ARID1B: variants seen among roughly 807,000 people sequenced by gnomAD.
The protein encoded by ARID1B is AT-rich interaction domain 1B.
Under a neutral mutation model 212.3 loss-of-function variants are expected in ARID1B, and 30 were observed. That is an observed-to-expected ratio of 0.14 (90% CI 0.11 to 0.19). ARID1B has a LOEUF of 0.19. Ranked by LOEUF, ARID1B falls within the 10% of genes least tolerant of loss-of-function variation. The probability of loss-of-function intolerance (pLI) is 1.00; values close to 1 mark genes in which losing one functional copy is unlikely to be tolerated. For synonymous variants in ARID1B, 1,402 were observed against 1,301.7 expected (o/e 1.08, Z -1.66); for missense variants, 2,891 against 3,204.0 (o/e 0.90, Z 2.36).
At chr6:156,985,103 C>G (rs765291725) in intron 4 of ARID1B, 1 of 152,206 alleles carries the variant, frequency 6.6e-6, no homozygotes, top group Non-Finnish European at 1.5e-5. Flanking sequence ...AAGAAAGCTT[C>G]CATATACTCT....
rs1437733479 is a variant in ARID1B, at chr6:156,954,427, G to C, written c.2247+18851G>C. Among the ~76,000 whole-genome samples, 24 of 151,846 alleles carry C rather than the reference G, an allele frequency of 1.6e-4. 1 individual carries two copies. Among genetic ancestry groups the C allele is most frequent in the Admixed American group, 1.6e-3 (24 of 15,258 alleles). On this transcript the variant is annotated intron_variant, in intron 4 of 19. Transcript: ENST00000636930. The stretch of plus-strand genomic sequence containing the variant: ...CAGCCTGTGTGGAATGAGGCCGTTT[G>C]CACACACATACATATGATTTTTTTT...
chr6:156,901,118 C>T (rs887709227), intron 2 of ARID1B, among the ~76,000 whole-genome samples: 1 of 152,084 alleles, frequency 6.6e-6, no homozygotes, highest in Non-Finnish European at 1.5e-5. Flanking sequence ...CCCCTCTCCA[C>T]CTTTATGATA....
chr6:156,882,754 T>G (rs1452355820), intron 2 of ARID1B, among the ~76,000 whole-genome samples: 1 of 152,214 alleles, frequency 6.6e-6, no homozygotes, highest in Non-Finnish European at 1.5e-5. Flanking sequence ...TAAAAGTGCT[T>G]TGTATAACGT....
In ARID1B at chr6:157,184,108, G is replaced by A. The variant is rs527576463; in HGVS notation, c.3715-123G>A. The A allele has an allele frequency of 2.5e-4, 204 of 824,604 alleles. 2 individuals are homozygous for A. In the South Asian group the frequency reaches 3.5e-3, roughly 14 times the overall value. The allele number at this position is 824,604 out of a possible 1,614,324, so 51.1% of individuals were successfully genotyped here. A position where few individuals can be genotyped will look rare whatever the true frequency, so the allele number is the denominator to read the frequency against. On this transcript the variant is annotated intron_variant, in intron 12 of 19. Transcript: ENST00000636930. ...CTATGCACTGCTGAGTGGGAGTAAT[G>A]AGCATTAGTTAAAAGAGGCAAATGA...
chr6:157,042,132 C>A (rs1256198108), intron 4 of ARID1B, among the ~76,000 whole-genome samples: 1 of 152,168 alleles, frequency 6.6e-6, no homozygotes, highest in African/African-American at 2.4e-5. Context: ...TTACACCTTC[C>A]CCTCCTCCTC....
rs376139273 is a variant in ARID1B at position 157,141,528 on chromosome 6, A to G, written c.2762-7096A>G. On this transcript the variant is annotated intron_variant, in intron 7 of 19. Transcript: ENST00000636930. ...TCAGCTTTCATTTTGATGAACCTGT[A>G]TTTGTGATCATCTACTTGATGCATT... Among the ~76,000 whole-genome samples, 6 of 152,326 alleles carry G rather than the reference A, an allele frequency of 3.9e-5. No individual in the cohort carries two copies. In the East Asian group the frequency reaches 7.7e-4, roughly 20 times the overall value.
At position 156,901,453 on chromosome 6, in the gene ARID1B, G is replaced by T; in HGVS notation, c.2064G>T (p.Pro688=). 1 of 1,614,072 alleles carries T rather than the reference G, an allele frequency of 6.2e-7. No homozygotes were observed. The highest frequency in any genetic ancestry group is 8.5e-7 in the Non-Finnish European group (1 of 1,180,028). Residue 688 remains proline (P), a synonymous_variant, in exon 3 of 20, where the codon CCG becomes CCT. Coordinates refer to ENST00000636930, the MANE Select transcript of ARID1B (RefSeq NM_001374828.1). ...QGQQPYYSQQ[P]QPPHLPPQAQ... is the part of the protein sequence containing the mutation. Reference sequence around the variant, plus strand: ...AACAGCCATATTACAGCCAGCAGCCGCAGCCCCCGCACCTCCCACCCCAGG... The same window carrying T: ...AACAGCCATATTACAGCCAGCAGCCTCAGCCCCCGCACCTCCCACCCCAGG...
At chr6:156,804,331 G>A (rs1367088871) in intron 1 of ARID1B, among the ~76,000 whole-genome samples, 5 of 148,986 alleles carry the variant, frequency 3.4e-5, no homozygotes, top group Admixed American at 1.3e-4. Context: ...GCAAGACTCC[G>A]TCTCAAAAAA....
At chr6:156,839,902 A>G (rs1010685363) in intron 2 of ARID1B, among the ~76,000 whole-genome samples, 1 of 152,226 alleles carries the variant, frequency 6.6e-6, no homozygotes, top group African/African-American at 2.4e-5. Flanking sequence ...AAACTCTGCT[A>G]TGATCTAACA....
intron 1 of ARID1B, among the ~76,000 whole-genome samples, chr6:156,793,964 A>G (rs183220278): frequency 6.6e-6 from 1 of 152,364 alleles, no homozygotes; most frequent in East Asian, 1.9e-4. Context: ...TTTTATAGAC[A>G]AGGAAACTGG....
intron 2 of ARID1B, among the ~76,000 whole-genome samples, chr6:156,867,016 C>CCTGGCACAGTG (rs1173355367): frequency 6.6e-6 from 1 of 152,192 alleles, no homozygotes; most frequent in African/African-American, 2.4e-5. Flanking sequence ...TTTAACATGG[C>CCTGGCACAGTG]CTGGCACAGT....
chr6:157,106,869 T>G (rs1169445041), intron 5 of ARID1B, among the ~76,000 whole-genome samples: 1 of 152,102 alleles, frequency 6.6e-6, no homozygotes, highest in African/African-American at 2.4e-5. Context: ...TTCCAGTAAC[T>G]AAATGTGGAA....
chr6:157,032,250 CA>C (rs1212378096), intron 4 of ARID1B, among the ~76,000 whole-genome samples: 5 of 152,294 alleles, frequency 3.3e-5, no homozygotes, highest in African/African-American at 1.2e-4. Flanking sequence ...CAGTTATGAG[CA>C]TTTTCCCGTG....
chr6:156,785,082 T>C (rs1232038302), intron 1 of ARID1B, among the ~76,000 whole-genome samples: 1 of 152,150 alleles, frequency 6.6e-6, no homozygotes, highest in Non-Finnish European at 1.5e-5. Flanking sequence ...TTAAATAGGA[T>C]CCAGTAGGCA....
chr6:156,800,780 G>A (rs1780725535), intron 1 of ARID1B, among the ~76,000 whole-genome samples: 1 of 152,000 alleles, frequency 6.6e-6, no homozygotes, highest in African/African-American at 2.4e-5. Context: ...GGTGGTGTGT[G>A]CCTGTAGTCC....
At chr6:156,948,401 T>TG (rs1299663361) in intron 4 of ARID1B, among the ~76,000 whole-genome samples, 2 of 149,724 alleles carry the variant, frequency 1.3e-5, no homozygotes, top group South Asian at 2.2e-4. Flanking sequence ...CTTATAGAGA[T>TG]GGGGGGGCAG....
At chr6:157,051,027 C>T (rs1782568296) in intron 4 of ARID1B, among the ~76,000 whole-genome samples, 2 of 152,200 alleles carry the variant, frequency 1.3e-5, no homozygotes, top group African/African-American at 4.8e-5. Flanking sequence ...TCTGAACTGC[C>T]ACTCAGTTTT....
At chr6:157,134,702 C>T (rs565269092) in intron 7 of ARID1B, among the ~76,000 whole-genome samples, 7 of 152,256 alleles carry the variant, frequency 4.6e-5, no homozygotes, top group South Asian at 4.1e-4. Context: ...CCTTACTGAA[C>T]GTGGTGGGTG....
At chr6:156,863,282 G>C (rs144972674) in intron 2 of ARID1B, among the ~76,000 whole-genome samples, 1 of 152,078 alleles carries the variant, frequency 6.6e-6, no homozygotes, top group Admixed American at 6.5e-5. Context: ...GAAGGAAAGG[G>C]GTGGCTTTAA....
Sources: gnomAD v4.1 joint callset for allele counts (sites outside exome capture counted in the v4.1 genomes callset) on GRCh38, gnomAD v4.1.1 for gene constraint, MANE v1.5 for transcripts, NCBI Gene and HGNC (gene_info 2026-07-23, HGNC 2026-07-21) for gene names.